TSPAN5: variants seen among roughly 807,000 people sequenced by gnomAD.
The protein encoded by TSPAN5 is tetraspanin 5, also known as tetraspanin-5.
In TSPAN5, 10 loss-of-function variants were observed where a neutral mutation model predicts 37.1. The ratio of observed to expected loss-of-function variants is 0.27; its 90% confidence interval spans 0.17 to 0.46. The LOEUF is 0.46. Ranked by LOEUF, TSPAN5 falls within the 20% of genes least tolerant of loss-of-function variation. The pLI is 1.00. For missense variants in TSPAN5, 195 were observed against 326.6 expected, an observed-to-expected ratio of 0.60 and a Z score of 3.11; for synonymous variants, 110 against 118.9, an observed-to-expected ratio of 0.93 and a Z score of 0.48.
In TSPAN5 at chr4:98,587,603, G is replaced by A. The variant is rs146310875; in HGVS notation, c.81+70543C>T. 9.4e-3 allele frequency among the ~76,000 whole-genome samples: 1,431 copies of A among 152,096 alleles called. 15 individuals are homozygous for A. The highest frequency in any genetic ancestry group is 0.013 in the Non-Finnish European group (872 of 67,972). On this transcript the variant is annotated intron_variant, in intron 1 of 7. Coordinates refer to ENST00000305798, the MANE Select transcript of TSPAN5 (RefSeq NM_005723.4). Reference sequence around the variant, plus strand: ...CATCGCCATCTCCATAAACACCAAGGTGCTGGCCGGGCGCAGTGGCTCATG... The same window carrying A: ...CATCGCCATCTCCATAAACACCAAGATGCTGGCCGGGCGCAGTGGCTCATG...
intron 1 of TSPAN5, among the ~76,000 whole-genome samples, chr4:98,515,596 C>G (rs1223377470): frequency 6.6e-6 from 1 of 152,118 alleles, no homozygotes; most frequent in African/African-American, 2.4e-5. Context: ...TACACACACA[C>G]ACACCCAAAC....
At chr4:98,507,656 A>G (rs974461827) in intron 2 of TSPAN5, 22 bp downstream of exon 2, 2 of 1,594,806 alleles carry the variant, frequency 1.3e-6, no homozygotes, top group East Asian at 2.2e-5. Flanking sequence ...CGATGTGTGC[A>G]TTGTCATGAT....
chr4:98,599,744 G>C (rs11943162), intron 1 of TSPAN5, among the ~76,000 whole-genome samples: 91,524 of 152,058 alleles, frequency 0.6, 27,596 homozygotes, highest in South Asian at 0.73. Context: ...GCATGCTGTT[G>C]TATGTATCTG....
At chr4:98,560,380 G>A (rs1754854612) in intron 1 of TSPAN5, 1 of 152,156 alleles carries the variant, frequency 6.6e-6, no homozygotes, top group Non-Finnish European at 1.5e-5. Flanking sequence ...ACTACAGGGA[G>A]ATTTTCTAAA....
chr4:98,476,326 G>A, intron 6 of TSPAN5, 21 bp from the exon 7 acceptor site: 3 of 1,612,940 alleles, frequency 1.9e-6, no homozygotes, highest in Non-Finnish European at 2.5e-6. Context: ...GAAGAGGAGA[G>A]CACATTGTCA....
At chr4:98,551,509 T>TTTTTG (rs1754616408) in intron 1 of TSPAN5, among the ~76,000 whole-genome samples, 1 of 110,462 alleles carries the variant, frequency 9.1e-6, no homozygotes, top group East Asian at 2.8e-4. Flanking sequence ...TTTTTTTTTT[T>TTTTTG]GAGATGGAGT....
intron 1 of TSPAN5, among the ~76,000 whole-genome samples, chr4:98,607,001 C>T (rs1453268395): frequency 1.3e-5 from 2 of 151,556 alleles, no homozygotes; most frequent in Non-Finnish European, 2.9e-5. Flanking sequence ...GGTGGTGTGG[C>T]AGGGGGAGGT....
chr4:98,644,918 A>G (rs955025322), intron 1 of TSPAN5, among the ~76,000 whole-genome samples: 3 of 152,196 alleles, frequency 2.0e-5, no homozygotes, highest in Non-Finnish European at 4.4e-5. Context: ...GTATGCAAAC[A>G]TTTAAACACA....
intron 1 of TSPAN5, among the ~76,000 whole-genome samples, chr4:98,628,350 A>T (rs1756655303): frequency 6.6e-6 from 1 of 152,200 alleles, no homozygotes; most frequent in Non-Finnish European, 1.5e-5. Context: ...TGTTAACAGC[A>T]ACTGAAAGCA....
rs1560535938 is a variant in TSPAN5, at chr4:98,556,044, CACACA to C, written c.82-48321_82-48317del. On this transcript the variant is annotated intron_variant, in intron 1 of 7. Transcript: ENST00000305798. ...CACCCCCACACACACAGCACCCCCA[CACACA>C]CACACACACACACACAGGTAGGAAT... Among the ~76,000 whole-genome samples the C allele has an allele frequency of 2.3e-4, 27 of 119,346 alleles. 4 individuals carry two copies. Among genetic ancestry groups the C allele is most frequent in the Middle Eastern group, 8.3e-3 (2 of 240 alleles). The allele number at this position is 119,346 out of a possible 152,430, so 78.3% of individuals were successfully genotyped here. A position where few individuals can be genotyped will look rare whatever the true frequency, so the allele number is the denominator to read the frequency against.
intron 2 of TSPAN5, among the ~76,000 whole-genome samples, chr4:98,507,411 C>CTTTG (rs1269766005): frequency 1.3e-5 from 2 of 152,180 alleles, no homozygotes; most frequent in African/African-American, 4.8e-5. Flanking sequence ...GAACATCGAT[C>CTTTG]TTTGGCTAAC....
intron 2 of TSPAN5, among the ~76,000 whole-genome samples, chr4:98,497,736 G>C (rs1753247477): frequency 6.6e-6 from 1 of 152,156 alleles, no homozygotes; most frequent in Non-Finnish European, 1.5e-5. Context: ...AAAACATCCA[G>C]TGACACCCTC....
chr4:98,652,014 CTAATTTT>C (rs1391437435), intron 1 of TSPAN5, among the ~76,000 whole-genome samples: 2 of 151,368 alleles, frequency 1.3e-5, no homozygotes, highest in Non-Finnish European at 2.9e-5. Context: ...CCACACCCAG[CTAATTTT>C]TAATTTTTAA....
At chr4:98,575,028 A>C (rs1303145922) in intron 1 of TSPAN5, 3 of 79,710 alleles carry the variant, frequency 3.8e-5, no homozygotes, top group Admixed American at 1.2e-4. Flanking sequence ...AGGTGCAGAC[A>C]AGGGCCAGAG....
At chr4:98,643,414 C>T (rs553007501) in intron 1 of TSPAN5, among the ~76,000 whole-genome samples, 1 of 152,140 alleles carries the variant, frequency 6.6e-6, no homozygotes, top group African/African-American at 2.4e-5. Context: ...CATGACTGTA[C>T]TTTTTTTAAA....
At chr4:98,574,927 C>G (rs540323111) in intron 1 of TSPAN5, 1 of 153,342 alleles carries the variant, frequency 6.5e-6, no homozygotes, top group South Asian at 1.9e-4. Context: ...AAGGGCACCA[C>G]GAAGATTAAG....
At chr4:98,531,484 G>A (rs1332824167) in intron 1 of TSPAN5, among the ~76,000 whole-genome samples, 1 of 152,160 alleles carries the variant, frequency 6.6e-6, no homozygotes, top group Admixed American at 6.5e-5. Flanking sequence ...GGACATTTGG[G>A]TTGGTTCCAA....
At chr4:98,640,801 G>C (rs998683525) in intron 1 of TSPAN5, among the ~76,000 whole-genome samples, 1 of 152,190 alleles carries the variant, frequency 6.6e-6, no homozygotes, top group African/African-American at 2.4e-5. Context: ...CCTTTTCCCA[G>C]GTGACAGTGA....
intron 1 of TSPAN5, among the ~76,000 whole-genome samples, chr4:98,598,319 G>A (rs2110216580): frequency 6.9e-6 from 1 of 144,236 alleles, no homozygotes; most frequent in African/African-American, 2.6e-5. Context: ...CACACACACT[G>A]GCCTGCGCCC....
Sources: allele counts gnomAD v4.1 joint callset (sites outside exome capture counted in the v4.1 genomes callset), GRCh38; gene constraint gnomAD v4.1.1; transcripts MANE v1.5; gene names NCBI Gene and HGNC (gene_info 2026-07-23, HGNC 2026-07-21).